Variants in SEC22A observed in about 807,000 individuals in gnomAD.
The protein encoded by SEC22A is SEC22 homolog A, vesicle trafficking protein.
In SEC22A, 22 loss-of-function variants were observed where a neutral mutation model predicts 35.3. The observed-to-expected ratio is 0.62, with a 90% CI of 0.45 to 0.89. The LOEUF (loss-of-function observed/expected upper bound fraction) is 0.89, where lower values mean the gene tolerates loss of function less well. Ranked by LOEUF, SEC22A falls within the 40% of genes least tolerant of loss-of-function variation. SEC22A has a pLI of 0.00. For missense variants in SEC22A, 354 were observed against 362.5 expected (o/e 0.98, Z 0.19); for synonymous variants, 119 against 129.5 (o/e 0.92, Z 0.55).
rs567498317 is a variant in SEC22A, at chr3:123,223,571, T to C, written c.195T>C (p.Ser65=). The C allele has an allele frequency of 4.3e-6, 7 of 1,612,202 alleles. No homozygotes were observed. The South Asian group carries it at 6.6e-5, about 15-fold the overall frequency. ...TTTTACACTGTAGTTTTATTAGCTCTCTGGGAGTGAGCTACATGATGTTGT... is the reference window on the plus strand; with the variant it reads ...TTTTACACTGTAGTTTTATTAGCTCCCTGGGAGTGAGCTACATGATGTTGT... ...TGHYNINFIS[S]LGVSYMMLCT... Residue 65 remains serine (S), a synonymous_variant, in exon 3 of 7, where the codon TCT becomes TCC. Transcript: ENST00000492595.
intron 1 of SEC22A, among the ~76,000 whole-genome samples, chr3:123,205,111 T>C (rs1208652766): frequency 6.6e-6 from 1 of 152,190 alleles, no homozygotes; most frequent in Non-Finnish European, 1.5e-5. Context: ...GGTATGTTTA[T>C]TGAATTGATG....
At chr3:123,217,900 A>G (rs752497866) in intron 2 of SEC22A, among the ~76,000 whole-genome samples, 2 of 152,332 alleles carry the variant, frequency 1.3e-5, no homozygotes, top group Non-Finnish European at 2.9e-5. Context: ...TGCTGGCCCT[A>G]TGCTAGGTGT....
chr3:123,234,780 T>C (rs1344233135), intron 4 of SEC22A, among the ~76,000 whole-genome samples: 1 of 152,276 alleles, frequency 6.6e-6, no homozygotes, highest in South Asian at 2.1e-4. Context: ...CCCAGCACTT[T>C]GGGAGGCCAA....
chr3:123,260,131 C>CAAAAAAAAAAAAA lies in SEC22A; in HGVS notation c.723+568_723+580dup, dbSNP rs533386545. 9.2e-4 allele frequency among the ~76,000 whole-genome samples: 46 copies of CAAAAAAAAAAAAA among 49,780 alleles called. 2 individuals are homozygous for CAAAAAAAAAAAAA. Among genetic ancestry groups the CAAAAAAAAAAAAA allele is most frequent in the Middle Eastern group, 0.016 (1 of 62 alleles). 32.7% of individuals were successfully genotyped at this position (49,780 alleles called of 152,430 possible). Reference sequence around the variant, plus strand: ...TGGGCAACAGAGCGAGACTACATCTCAAAAAAAAAAAAAAAAAAAAAAAAA... The same window carrying CAAAAAAAAAAAAA: ...TGGGCAACAGAGCGAGACTACATCTCAAAAAAAAAAAAAAAAAAAAAAAAAAAAAAAAAAAAAA... On this transcript the variant is annotated intron_variant, in intron 6 of 6. Coordinates refer to ENST00000492595, the MANE Select transcript of SEC22A (RefSeq NM_012430.5).
chr3:123,203,721 C>T (rs572160501), intron 1 of SEC22A, among the ~76,000 whole-genome samples: 47 of 152,076 alleles, frequency 3.1e-4, no homozygotes, highest in Non-Finnish European at 4.6e-4. Flanking sequence ...AAACTTAGAC[C>T]GAAGTACCAG....
At chr3:123,242,227 C>T (rs1937530474) in intron 4 of SEC22A, among the ~76,000 whole-genome samples, 1 of 145,112 alleles carries the variant, frequency 6.9e-6, no homozygotes. Flanking sequence ...AGTTGCAGAC[C>T]TCGTCTGCTT....
intron 4 of SEC22A, among the ~76,000 whole-genome samples, chr3:123,242,584 C>T (rs1207173579): frequency 6.6e-6 from 1 of 151,684 alleles, no homozygotes; most frequent in African/African-American, 2.4e-5. Context: ...TATTCTGATT[C>T]AGGCCCTGAT....
At chr3:123,270,697 A>G (rs1047539247) in intron 6 of SEC22A, among the ~76,000 whole-genome samples, 1 of 152,236 alleles carries the variant, frequency 6.6e-6, no homozygotes, top group Admixed American at 6.5e-5. Flanking sequence ...AAGTATGTTT[A>G]TAGTATGTTG....
At chr3:123,212,997 C>T (rs1438067329) in intron 2 of SEC22A, among the ~76,000 whole-genome samples, 1 of 152,166 alleles carries the variant, frequency 6.6e-6, no homozygotes, top group East Asian at 1.9e-4. Flanking sequence ...AACATTCTTC[C>T]AGCAACTATA....
chr3:123,241,962 AAAT>A (rs767476014), intron 4 of SEC22A, among the ~76,000 whole-genome samples: 2 of 147,630 alleles, frequency 1.4e-5, no homozygotes, highest in African/African-American at 2.5e-5. Context: ...AAAAAAAAAA[AAAT>A]TTTAAGGAGA....
chr3:123,261,339 T>C (rs924936945), intron 6 of SEC22A, among the ~76,000 whole-genome samples: 2 of 152,136 alleles, frequency 1.3e-5, no homozygotes, highest in Non-Finnish European at 2.9e-5. Context: ...AGGGATAATA[T>C]CTCATTTTTT....
In SEC22A at chr3:123,235,939, C is replaced by G. The variant is rs150761540; in HGVS notation, c.542-9960C>G. ...AAACATTATGCTAAATAAAAGAAGT[C>G]AATCACAAGAAGGTCACATATTAAT... On this transcript the variant is annotated intron_variant, in intron 4 of 6. Transcript: ENST00000492595. 1.4e-4 allele frequency among the ~76,000 whole-genome samples: 21 copies of G among 152,224 alleles called. No individual in the cohort carries two copies. The East Asian group carries it at 4.1e-3, about 29-fold the overall frequency.
intron 6 of SEC22A, among the ~76,000 whole-genome samples, chr3:123,260,875 G>A (rs1208579996): frequency 7.2e-6 from 1 of 138,694 alleles, no homozygotes; most frequent in South Asian, 2.2e-4. Flanking sequence ...TCGCTCTGTC[G>A]CCCAGGCTGG....
chr3:123,251,131 G>A (rs983634931), intron 5 of SEC22A, among the ~76,000 whole-genome samples: 3 of 152,154 alleles, frequency 2.0e-5, no homozygotes, highest in African/African-American at 4.8e-5. Context: ...ATTTTGCAGG[G>A]CATTGCAACT....
rs563803933 is a variant in SEC22A, at chr3:123,254,277, C to T, written c.658-5247C>T. On this transcript the variant is annotated intron_variant, in intron 5 of 6. Transcript: ENST00000492595. ...CCTCAAGTAATTCTCCCACCTTGGCCTCCCAAAGTGCTAAGATCATAGCAT... is the reference window on the plus strand; with the variant it reads ...CCTCAAGTAATTCTCCCACCTTGGCTTCCCAAAGTGCTAAGATCATAGCAT... 3.3e-5 allele frequency among the ~76,000 whole-genome samples: 5 copies of T among 152,228 alleles called. 1 individual carries two copies. Among genetic ancestry groups the T allele is most frequent in the South Asian group, 2.1e-4 (1 of 4,814 alleles).
chr3:123,210,263 C>T (rs1936919272), intron 2 of SEC22A, among the ~76,000 whole-genome samples: 1 of 152,132 alleles, frequency 6.6e-6, no homozygotes, highest in Non-Finnish European at 1.5e-5. Flanking sequence ...GGTGGAGGTG[C>T]TGATTGTAAC....
In SEC22A at chr3:123,209,398, A is replaced by T; in HGVS notation, c.181A>T (p.Asn61Tyr). 2 of 1,604,698 alleles carry T rather than the reference A, an allele frequency of 1.2e-6. No homozygotes were observed. The highest frequency in any genetic ancestry group is 1.7e-6 in the Non-Finnish European group (2 of 1,172,692). The change falls in exon 2 of 7, where the codon AAT becomes TAT. Residue 61 changes from asparagine (N) to tyrosine (Y), a missense_variant and splice_region_variant. Coordinates refer to ENST00000492595, the MANE Select transcript of SEC22A (RefSeq NM_012430.5). ...ACTGAAAACTGGACATTATAACATT[A>T]AGTAAGACTTCAGTTTGCTTCATTT... ...CTLKTGHYNINFISSLGVSYM... is the reference protein window; with the variant it reads ...CTLKTGHYNIYFISSLGVSYM...
At chr3:123,239,585 T>A (rs531691288) in intron 4 of SEC22A, among the ~76,000 whole-genome samples, 1 of 152,280 alleles carries the variant, frequency 6.6e-6, no homozygotes, top group East Asian at 1.9e-4. Flanking sequence ...CCAGTGATGG[T>A]GAGCATTTTT....
chr3:123,212,770 A>G (rs1936958714), intron 2 of SEC22A, among the ~76,000 whole-genome samples: 1 of 152,162 alleles, frequency 6.6e-6, no homozygotes, highest in South Asian at 2.1e-4. Flanking sequence ...GAAGGAAAAT[A>G]GAGATAGGAG....
Sources: gnomAD v4.1 joint callset for allele counts (sites outside exome capture counted in the v4.1 genomes callset) on GRCh38, gnomAD v4.1.1 for gene constraint, MANE v1.5 for transcripts, NCBI Gene and HGNC (gene_info 2026-07-23, HGNC 2026-07-21) for gene names.